SDK2: variants seen among roughly 807,000 people sequenced by gnomAD.
The protein encoded by SDK2 is sidekick cell adhesion molecule 2.
A neutral mutation model predicts 253.9 loss-of-function variants in SDK2; 105 were observed. The observed-to-expected ratio is 0.41, with a 90% CI of 0.35 to 0.49. The LOEUF (loss-of-function observed/expected upper bound fraction) is 0.49. Ranked by LOEUF, SDK2 falls within the 20% of genes least tolerant of loss-of-function variation. The pLI is 0.06. For synonymous variants in SDK2, 1,249 were observed against 1,234.9 expected (o/e 1.01, Z -0.24); for missense variants, 2,608 against 3,003.0 (o/e 0.87, Z 3.07).
intron 1 of SDK2, among the ~76,000 whole-genome samples, chr17:73,508,522 G>A (rs1302246637): frequency 6.6e-6 from 1 of 152,230 alleles, no homozygotes; most frequent in South Asian, 2.1e-4. Flanking sequence ...TGGATAGGGT[G>A]GGGCCGGGCG....
chr17:73,451,747 G>A (rs1459650044), intron 4 of SDK2, among the ~76,000 whole-genome samples: 1 of 152,132 alleles, frequency 6.6e-6, no homozygotes, highest in Non-Finnish European at 1.5e-5. Flanking sequence ...TGGGCTTGTG[G>A]CTCTCTCCAG....
chr17:73,344,403 C>T (rs2145378379), intron 44 of SDK2, among the ~76,000 whole-genome samples: 1 of 152,302 alleles, frequency 6.6e-6, no homozygotes, highest in East Asian at 1.9e-4. Context: ...CCTTCAATCT[C>T]CTCTCCGTGC....
At chr17:73,423,659 TCTA>T (rs1258113782) in intron 13 of SDK2, 137 bp from the exon 14 acceptor site, 7 of 1,089,438 alleles carry the variant, frequency 6.4e-6, no homozygotes, top group Non-Finnish European at 8.7e-6. Flanking sequence ...CTTCGGGCCA[TCTA>T]CCTGGAGATT....
At chr17:73,569,942 G>T (rs1259668477) in intron 1 of SDK2, among the ~76,000 whole-genome samples, 8 of 152,114 alleles carry the variant, frequency 5.3e-5, no homozygotes, top group Non-Finnish European at 1.0e-4. Flanking sequence ...CGGCCGAGGA[G>T]CCTCTCTGCA....
In SDK2 at chr17:73,467,599, C is replaced by G. The variant is rs1209201081; in HGVS notation, c.331+4513G>C. Among the ~76,000 whole-genome samples, 1 of 152,120 alleles carries G rather than the reference C, an allele frequency of 6.6e-6. No homozygotes were observed. On this transcript the variant is annotated intron_variant, in intron 3 of 44. Coordinates refer to ENST00000392650, the MANE Select transcript of SDK2 (RefSeq NM_001144952.2). This position sits in a 1 kb window ranked among gnomAD's most constrained non-coding sequence, Gnocchi z 4.1. ...CAGCTTCTACAGCTAGAGAGGGAGGCCCCCTGGGATGAGGCCAGTGTGTCC... is the reference window on the plus strand; with the variant it reads ...CAGCTTCTACAGCTAGAGAGGGAGGGCCCCTGGGATGAGGCCAGTGTGTCC...
rs1368347206 is a variant in SDK2 at position 73,461,751 on chromosome 17, T to G, written c.332-5698A>C. 3.9e-5 allele frequency among the ~76,000 whole-genome samples: 6 copies of G among 152,164 alleles called. No homozygotes were observed. In the East Asian group the frequency reaches 1.2e-3, roughly 29 times the overall value. On this transcript the variant is annotated intron_variant, in intron 3 of 44. Coordinates refer to ENST00000392650, the MANE Select transcript of SDK2 (RefSeq NM_001144952.2). ...AAGGGCAGAGGAATGGATGGTTGTATGTATGTACATTTGTATAGTGGTATG... is the reference window on the plus strand; with the variant it reads ...AAGGGCAGAGGAATGGATGGTTGTAGGTATGTACATTTGTATAGTGGTATG...
chr17:73,607,531 C>T (rs941180260), intron 1 of SDK2, among the ~76,000 whole-genome samples: 3 of 152,084 alleles, frequency 2.0e-5, no homozygotes, highest in South Asian at 2.1e-4. Flanking sequence ...GAAGGGGTCT[C>T]GGGTGGGAGA....
At position 73,507,561 on chromosome 17, in the gene SDK2, C is replaced by T. The variant is rs1424389628; in HGVS notation, c.101G>A (p.Arg34Gln). 2.2e-5 allele frequency: 34 copies of T among 1,551,556 alleles called. No individual in the cohort carries two copies. The highest frequency in any genetic ancestry group is 2.0e-4 in the South Asian group (17 of 84,052). The change falls in exon 2 of 45, where the codon CGG (arginine) becomes CAG (glutamine). Residue 34 changes from arginine to glutamine, a missense_variant. By Grantham distance (43) the Arg-to-Gln change is conservative. Coordinates refer to ENST00000392650, the MANE Select transcript of SDK2 (RefSeq NM_001144952.2). The part of the protein sequence containing the change: ...VSPYFKTEPV[R>Q]TQVHLEGNRL... ...GTTTCCTTCCAAGTGCACCTGTGTC[C>T]GCACAGGCTCTGTCTTGAAATACGG...
chr17:73,563,841 T>C (rs2045273131), intron 1 of SDK2, among the ~76,000 whole-genome samples: 1 of 152,010 alleles, frequency 6.6e-6, no homozygotes. Context: ...GGCACCATCA[T>C]GGCTTACTGC....
chr17:73,455,810 G>T lies in SDK2; in HGVS notation c.479+96C>A. 7.4e-7 allele frequency: 1 copy of T among 1,348,314 alleles called. No homozygotes were observed. The highest frequency in any genetic ancestry group is 9.9e-7 in the Non-Finnish European group (1 of 1,015,048). 83.5% of individuals were successfully genotyped at this position (1,348,314 alleles called of 1,614,324 possible). On this transcript the variant is annotated intron_variant, in intron 4 of 44. Coordinates refer to ENST00000392650, the MANE Select transcript of SDK2 (RefSeq NM_001144952.2). This position sits in a 1 kb window ranked among gnomAD's most constrained non-coding sequence, Gnocchi z 5.0. ...GAGCTGAAAGGGGCTTCTGCACAAA[G>T]GCCCTCCTCCACACTCAAGGGAGAC...
In SDK2 at chr17:73,401,160, T is replaced by C; in HGVS notation, c.2831A>G (p.His944Arg). The change falls in exon 21 of 45, where the codon CAC becomes CGC. Residue 944 changes from histidine to arginine, a missense_variant. His to Arg is a conservative substitution (Grantham distance 29). Transcript: ENST00000392650. ...CTCCAGGGTCACGTTGGGCAGGTAG[T>C]GGGTCACACGGGTGTTGGTTCGATT... ...EYNRTNTRVT[H>R]YLPNVTLEYR... The C allele has an allele frequency of 6.4e-7, 1 of 1,558,866 alleles. No individual in the cohort carries two copies.
chr17:73,490,425 G>A (rs1189902985), intron 2 of SDK2, among the ~76,000 whole-genome samples: 2 of 151,774 alleles, frequency 1.3e-5, no homozygotes, highest in African/African-American at 4.8e-5. Flanking sequence ...TCCACTTGCT[G>A]TGTGACCTTA....
rs1476117926 is a variant in SDK2, at chr17:73,383,626, C to G, written c.4705+250G>C. On this transcript the variant is annotated intron_variant, in intron 33 of 44. Transcript: ENST00000392650. The surrounding 1 kb of genome is among the most constrained non-coding windows in gnomAD (Gnocchi z 4.3). ...GCCTGGCTCCTCCTCCAGCCTGCAACTCCAAGAGGGCAGGGACCCTGTCTG... is the reference window on the plus strand; with the variant it reads ...GCCTGGCTCCTCCTCCAGCCTGCAAGTCCAAGAGGGCAGGGACCCTGTCTG... Among the ~76,000 whole-genome samples the G allele has an allele frequency of 6.6e-6, 1 of 152,212 alleles. No homozygotes were observed. The highest frequency in any genetic ancestry group is 1.5e-5 in the Non-Finnish European group (1 of 68,044).
intron 1 of SDK2, among the ~76,000 whole-genome samples, chr17:73,602,702 G>C (rs116298774): frequency 6.6e-6 from 1 of 151,902 alleles, no homozygotes; most frequent in Non-Finnish European, 1.5e-5. Flanking sequence ...TTTAAAGCAG[G>C]GTTTCTCAAC....
intron 2 of SDK2, among the ~76,000 whole-genome samples, chr17:73,475,172 G>A (rs2063677478): frequency 6.6e-6 from 1 of 151,652 alleles, no homozygotes; most frequent in Non-Finnish European, 1.5e-5. Context: ...ATTTTTTTGA[G>A]ATGGAGTCTC....
chr17:73,552,425 T>C (rs908658007), intron 1 of SDK2, among the ~76,000 whole-genome samples: 1 of 152,210 alleles, frequency 6.6e-6, no homozygotes, highest in Non-Finnish European at 1.5e-5. Context: ...CGAGGACGCA[T>C]GACATCTGTG....
intron 1 of SDK2, among the ~76,000 whole-genome samples, chr17:73,582,039 C>A (rs1012569437): frequency 6.6e-6 from 1 of 152,178 alleles, no homozygotes; most frequent in African/African-American, 2.4e-5. Flanking sequence ...GAGGCCCTCT[C>A]GTATCTTACT....
chr17:73,499,145 G>A (rs1244281638), intron 2 of SDK2, among the ~76,000 whole-genome samples: 1 of 152,232 alleles, frequency 6.6e-6, no homozygotes, highest in East Asian at 1.9e-4. Flanking sequence ...TCTTCTAAGG[G>A]GAGGCCAGAA....
At chr17:73,397,468 C>T (rs2062980774) in intron 24 of SDK2, among the ~76,000 whole-genome samples, 1 of 152,204 alleles carries the variant, frequency 6.6e-6, no homozygotes, top group Non-Finnish European at 1.5e-5. Context: ...CTCTCTTCTG[C>T]CCCGGTTTCC....
Sources: allele counts gnomAD v4.1 joint callset (sites outside exome capture counted in the v4.1 genomes callset), GRCh38; gene constraint gnomAD v4.1.1; non-coding constraint Gnocchi (gnomAD v3.1); transcripts MANE v1.5; gene names NCBI Gene and HGNC (gene_info 2026-07-23, HGNC 2026-07-21).